MGAT5: variants seen among roughly 807,000 people sequenced by gnomAD.
MGAT5 encodes the protein alpha-1,6-mannosylglycoprotein 6-beta-N-acetylglucosaminyltransferase.
In MGAT5, 30 loss-of-function variants were observed where a neutral mutation model predicts 94.3. That is an observed-to-expected ratio of 0.32 (90% CI 0.24 to 0.43). MGAT5 has a LOEUF of 0.43. MGAT5 is among the 20% of genes least tolerant of loss of function. MGAT5 has a pLI of 1.00. For synonymous variants in MGAT5, 310 were observed against 322.9 expected (o/e 0.96, Z 0.43); for missense variants, 691 against 905.5 (o/e 0.76, Z 3.04).
chr2:134,410,974 A>G (rs3791303), intron 11 of MGAT5, among the ~76,000 whole-genome samples: 22,682 of 152,188 alleles, frequency 0.15, 1,820 homozygotes, highest in Middle Eastern at 0.22. Context: ...GAGAGCCGGC[A>G]CATCCTCTCC....
At chr2:134,354,864 A>C (rs372892426) in intron 9 of MGAT5, among the ~76,000 whole-genome samples, 72 of 152,156 alleles carry the variant, frequency 4.7e-4, no homozygotes, top group African/African-American at 1.7e-3. Flanking sequence ...TTCTGTCCGC[A>C]TGCTAAAATG....
At position 134,403,156 on chromosome 2, in the gene MGAT5, T is replaced by C; in HGVS notation, c.1530+19T>C. 1.3e-6 allele frequency: 2 copies of C among 1,595,926 alleles called. No individual in the cohort carries two copies. Among genetic ancestry groups the C allele is most frequent in the Non-Finnish European group, 1.7e-6 (2 of 1,175,160 alleles). On this transcript the variant is annotated intron_variant, in intron 11 of 15. Coordinates refer to ENST00000281923, the MANE Select transcript of MGAT5 (RefSeq NM_002410.5). ...AACCAAGGTAAAAATTCACCACGGA[T>C]GTGGTGTTCAGGTTATTGCCATTGG...
intron 2 of MGAT5, among the ~76,000 whole-genome samples, chr2:134,291,743 G>T (rs1390609285): frequency 1.3e-5 from 2 of 152,206 alleles, no homozygotes; most frequent in African/African-American, 4.8e-5. Context: ...ATTTGATACT[G>T]TGAGAATATA....
intron 1 of MGAT5, among the ~76,000 whole-genome samples, chr2:134,264,027 T>G (rs111828382): frequency 7.4e-6 from 1 of 134,960 alleles, no homozygotes; most frequent in Non-Finnish European, 1.6e-5. Context: ...GTTTTTTTTT[T>G]TTTTTTTTTT....
At chr2:134,284,327 A>G (rs1684879164) in intron 2 of MGAT5, among the ~76,000 whole-genome samples, 2 of 152,236 alleles carry the variant, frequency 1.3e-5, no homozygotes. Flanking sequence ...TTATAAATAA[A>G]GTTTTATTAG....
chr2:134,391,033 T>C (rs188211819), intron 10 of MGAT5, among the ~76,000 whole-genome samples: 1 of 152,348 alleles, frequency 6.6e-6, no homozygotes, highest in East Asian at 1.9e-4. Flanking sequence ...CAGATGCTGT[T>C]GATCTAGAAT....
At chr2:134,343,734 A>G (rs983757371) in intron 7 of MGAT5, among the ~76,000 whole-genome samples, 1 of 152,164 alleles carries the variant, frequency 6.6e-6, no homozygotes, top group Non-Finnish European at 1.5e-5. Context: ...AGAGATCAGC[A>G]AACTATGGCT....
At chr2:134,132,789 C>A (rs1280458516) in intron 1 of MGAT5, among the ~76,000 whole-genome samples, 5 of 152,236 alleles carry the variant, frequency 3.3e-5, no homozygotes, top group Non-Finnish European at 7.3e-5. Context: ...TTGGTCTCCT[C>A]ATACCCTTGT....
intron 1 of MGAT5, among the ~76,000 whole-genome samples, chr2:134,121,582 C>T (rs1360402196): frequency 6.6e-6 from 1 of 152,014 alleles, no homozygotes; most frequent in East Asian, 1.9e-4. Context: ...CCAGGCCTGG[C>T]CCCGGGCGGC....
intron 13 of MGAT5, among the ~76,000 whole-genome samples, chr2:134,424,827 C>T (rs1197229741): frequency 6.6e-6 from 1 of 152,234 alleles, no homozygotes; most frequent in Admixed American, 6.5e-5. Context: ...TCTTGGCTTG[C>T]AGCCTCAAAG....
rs928547175 is a variant in MGAT5 at position 134,314,648 on chromosome 2, A to G, written c.407-2881A>G. On this transcript the variant is annotated intron_variant, in intron 2 of 15. Transcript: ENST00000281923. ...GGACAGGATTCCTAACAAAATCCTG[A>G]CTAGGCTTGGGAAGGAAGAACTAAG... 2.0e-5 allele frequency among the ~76,000 whole-genome samples: 3 copies of G among 152,190 alleles called. No homozygotes were observed. In the East Asian group the frequency reaches 5.8e-4, roughly 29 times the overall value.
chr2:134,416,765 ATT>A (rs10548586), intron 12 of MGAT5, among the ~76,000 whole-genome samples: 23,571 of 130,614 alleles, frequency 0.18, 2,150 homozygotes, highest in African/African-American at 0.3. Context: ...CAGCTAATTA[ATT>A]TTTTTTTTTT....
intron 13 of MGAT5, among the ~76,000 whole-genome samples, chr2:134,427,490 C>T (rs1415927084): frequency 6.6e-6 from 1 of 152,120 alleles, no homozygotes; most frequent in Non-Finnish European, 1.5e-5. Context: ...GTAGAGTTTC[C>T]TACTCCCCTC....
At chr2:134,247,360 A>G (rs12468130) in intron 1 of MGAT5, among the ~76,000 whole-genome samples, 1 of 36,660 alleles carries the variant, frequency 2.7e-5, no homozygotes. Flanking sequence ...GGCCTGAATT[A>G]AAAAAAAAAA....
chr2:134,120,729 C>T (rs1693782008), intron 1 of MGAT5, among the ~76,000 whole-genome samples: 1 of 151,826 alleles, frequency 6.6e-6, no homozygotes, highest in East Asian at 2.0e-4. Context: ...TGGGCCGGGC[C>T]GGGCCGGGGT....
rs1199687813 is a variant in MGAT5, at chr2:134,268,217, T to A, written c.242-2169T>A. Among the ~76,000 whole-genome samples, 4 of 152,182 alleles carry A rather than the reference T, an allele frequency of 2.6e-5. No individual in the cohort carries two copies. In the East Asian group the frequency reaches 7.7e-4, roughly 29 times the overall value. On this transcript the variant is annotated intron_variant, in intron 1 of 15. Transcript: ENST00000281923. The surrounding 1 kb of genome is among the most constrained non-coding windows in gnomAD (Gnocchi z 4.1). The stretch of plus-strand genomic sequence containing the variant: ...TCACACTAGAGGGCCAGGGCTTCTG[T>A]GCTTGGCCAACTACAATTACCGGTG...
intron 2 of MGAT5, among the ~76,000 whole-genome samples, chr2:134,288,515 T>TAA (rs879623551): frequency 7.0e-6 from 1 of 143,452 alleles, no homozygotes. Flanking sequence ...TCTAGCTCTT[T>TAA]AAAAAAAAAA....
chr2:134,433,087 T>A lies in MGAT5; in HGVS notation c.1869+4648T>A, dbSNP rs1204661707. On this transcript the variant is annotated intron_variant, in intron 14 of 15. Transcript: ENST00000281923. ...CTCATTTGTCCCTGTTAGCAATCAA[T>A]CCTTGCTCCCACCCCAGGCCTAGGA... Among the ~76,000 whole-genome samples the A allele has an allele frequency of 3.3e-5, 5 of 152,186 alleles. No homozygotes were observed. The East Asian group carries it at 9.6e-4, about 29-fold the overall frequency.
chr2:134,261,428 G>A (rs556181022), intron 1 of MGAT5, among the ~76,000 whole-genome samples: 2 of 152,240 alleles, frequency 1.3e-5, no homozygotes, highest in Admixed American at 1.3e-4. Context: ...AAGGCATGGT[G>A]GCTCTCTTCT....
Sources: gnomAD v4.1 joint callset for allele counts (sites outside exome capture counted in the v4.1 genomes callset) on GRCh38, gnomAD v4.1.1 for gene constraint, Gnocchi (gnomAD v3.1) non-coding constraint, MANE v1.5 for transcripts, NCBI Gene and HGNC (gene_info 2026-07-23, HGNC 2026-07-21) for gene names.